P2RY8: variants seen among roughly 807,000 people sequenced by gnomAD.
The protein encoded by P2RY8 is P2Y receptor family member 8.
P2RY8 carries 6 observed loss-of-function variants against 10.0 expected under a neutral mutation model. That is an observed-to-expected ratio of 0.60 (90% CI 0.33 to 1.19). P2RY8 has a LOEUF of 1.19. P2RY8 is among the 50% of genes most tolerant of loss of function. P2RY8 has a pLI of 0.04. For synonymous variants in P2RY8, 276 were observed against 252.5 expected (o/e 1.09, Z -0.88); for missense variants, 456 against 542.0 (o/e 0.84, Z 1.58).
intron 1 of P2RY8, among the ~76,000 whole-genome samples, chrX:1,525,387 G>C (rs1360460525): frequency 6.6e-6 from 1 of 152,150 alleles, no homozygotes; most frequent in Non-Finnish European, 1.5e-5. Context: ...AGAAGAGACT[G>C]GGACGCAGAC....
chrX:1,488,448 C>G (rs1302804315), intron 1 of P2RY8, among the ~76,000 whole-genome samples: 1 of 152,192 alleles, frequency 6.6e-6, no homozygotes, highest in Non-Finnish European at 1.5e-5. Flanking sequence ...TCACAGATAT[C>G]TCCTTGCCCT....
chrX:1,509,117 A>G (rs1182245509), intron 1 of P2RY8, among the ~76,000 whole-genome samples: 4 of 151,790 alleles, frequency 2.6e-5, no homozygotes, highest in Admixed American at 6.6e-5. Context: ...CTATCTATCT[A>G]TCTATCTATC....
At chrX:1,515,942 G>T (rs1378685318) in intron 1 of P2RY8, among the ~76,000 whole-genome samples, 15 of 58,922 alleles carry the variant, frequency 2.5e-4, no homozygotes, top group Non-Finnish European at 6.9e-4. Context: ...GGGAGGCCGA[G>T]GGGTCGGGGG....
In P2RY8 at chrX:1,466,223, G is replaced by A. The variant is rs2091674246; in HGVS notation, c.336C>T (p.Leu112=). Reference sequence around the variant, plus strand: ...GCTCCACGCTGATACAGGTCATGGTGAGGATGCTGGAATACATGTTTGCGT... The same window carrying A: ...GCTCCACGCTGATACAGGTCATGGTAAGGATGCTGGAATACATGTTTGCGT... ...AFYANMYSSI[L]TMTCISVERF... Residue 112 remains leucine (L), a synonymous_variant, in exon 2 of 2, where the codon CTC becomes CTT. Transcript: ENST00000381297. 6.2e-7 allele frequency: 1 copy of A among 1,613,572 alleles called. No individual in the cohort carries two copies. The highest frequency in any genetic ancestry group is 8.5e-7 in the Non-Finnish European group (1 of 1,179,732).
chrX:1,467,937 C>T (rs756260717), intron 1 of P2RY8, among the ~76,000 whole-genome samples: 1 of 151,682 alleles, frequency 6.6e-6, no homozygotes, highest in East Asian at 1.9e-4. Context: ...CCTCAGCCTC[C>T]TGAGTAGCTG....
rs1569538175 is a variant in P2RY8 at position 1,509,815 on chromosome X, A to ATCCAT, written c.-25+27105_-25+27106insATGGA. Among the ~76,000 whole-genome samples, 457 of 103,542 alleles carry ATCCAT rather than the reference A, an allele frequency of 4.4e-3. 2 individuals are homozygous for ATCCAT. Among genetic ancestry groups the ATCCAT allele is most frequent in the Middle Eastern group, 0.016 (2 of 124 alleles). The allele number at this position is 103,542 out of a possible 152,430, so 67.9% of individuals were successfully genotyped here. A position where few individuals can be genotyped will look rare whatever the true frequency, so the allele number is the denominator to read the frequency against. On this transcript the variant is annotated intron_variant, in intron 1 of 1. Coordinates refer to ENST00000381297, the MANE Select transcript of P2RY8 (RefSeq NM_178129.5). ...ATCCATCCTATCTATCTATCTATCT[A>ATCCAT]TCTATCTATCTATCTATCTATCTCT...
chrX:1,531,923 G>A (rs1265807279), intron 1 of P2RY8, among the ~76,000 whole-genome samples: 1 of 152,152 alleles, frequency 6.6e-6, no homozygotes, highest in African/African-American at 2.4e-5. Flanking sequence ...TGCTAGTGTG[G>A]ATGTGGCGAA....
chrX:1,468,572 G>A (rs1163288554), intron 1 of P2RY8, among the ~76,000 whole-genome samples: 3 of 152,108 alleles, frequency 2.0e-5, no homozygotes, highest in African/African-American at 4.8e-5. Context: ...GGGGCTCAGC[G>A]GGCAGGATGG....
intron 1 of P2RY8, among the ~76,000 whole-genome samples, chrX:1,487,145 A>G (rs1262066337): frequency 8.5e-5 from 13 of 152,094 alleles, no homozygotes; most frequent in Non-Finnish European, 1.3e-4. Context: ...AGTGGCCACC[A>G]CTGTGTGAAC....
intron 1 of P2RY8, among the ~76,000 whole-genome samples, chrX:1,521,039 T>TC (rs2092387341): frequency 7.1e-6 from 1 of 141,464 alleles, no homozygotes; most frequent in African/African-American, 2.7e-5. Context: ...CTTTTCTTTT[T>TC]TTTTTTTTTT....
chrX:1,504,427 A>G (rs1427849788), intron 1 of P2RY8, among the ~76,000 whole-genome samples: 1 of 152,118 alleles, frequency 6.6e-6, no homozygotes, highest in Non-Finnish European at 1.5e-5. Flanking sequence ...AAAGCCTTTT[A>G]GTGGTGACCC....
At chrX:1,493,717 G>A (rs2092089652) in intron 1 of P2RY8, among the ~76,000 whole-genome samples, 2 of 152,158 alleles carry the variant, frequency 1.3e-5, no homozygotes, top group Admixed American at 6.5e-5. Flanking sequence ...GGCGTGGGCC[G>A]GCCTGTACCC....
At chrX:1,501,354 G>A (rs753562006) in intron 1 of P2RY8, among the ~76,000 whole-genome samples, 14 of 152,128 alleles carry the variant, frequency 9.2e-5, no homozygotes, top group East Asian at 1.9e-4. Flanking sequence ...TTTCACTTTC[G>A]TTTTTCTGTA....
At chrX:1,493,535 A>G (rs1452952802) in intron 1 of P2RY8, among the ~76,000 whole-genome samples, 1 of 152,044 alleles carries the variant, frequency 6.6e-6, no homozygotes, top group Non-Finnish European at 1.5e-5. Context: ...CTTCCTCCTC[A>G]CTCAGTCGAC....
chrX:1,516,401 C>G (rs1218907856), intron 1 of P2RY8, among the ~76,000 whole-genome samples: 4 of 145,022 alleles, frequency 2.8e-5, no homozygotes, highest in Non-Finnish European at 4.5e-5. Context: ...CAGCCCTGCC[C>G]ACACCTGGAT....
intron 1 of P2RY8, among the ~76,000 whole-genome samples, chrX:1,513,315 G>C (rs1300474848): frequency 6.6e-6 from 1 of 151,822 alleles, no homozygotes; most frequent in Non-Finnish European, 1.5e-5. Context: ...ATTGTAAATA[G>C]TGCTGCAATA....
At chrX:1,523,728 C>G (rs1353524292) in intron 1 of P2RY8, among the ~76,000 whole-genome samples, 1 of 152,114 alleles carries the variant, frequency 6.6e-6, no homozygotes, top group African/African-American at 2.4e-5. Flanking sequence ...TGTCGTCCAG[C>G]CTGGAGTGCA....
intron 1 of P2RY8, among the ~76,000 whole-genome samples, chrX:1,478,452 A>G (rs2091900749): frequency 6.6e-6 from 1 of 151,872 alleles, no homozygotes; most frequent in South Asian, 2.1e-4. Flanking sequence ...CAATATGGGA[A>G]GCTGAAGTGG....
intron 1 of P2RY8, among the ~76,000 whole-genome samples, chrX:1,522,973 G>T (rs755653227): frequency 1.6e-4 from 24 of 151,484 alleles, no homozygotes; most frequent in Admixed American, 1.6e-3. Context: ...GGAGGCTGAG[G>T]CAGGAGAGTC....
Sources: gnomAD v4.1 joint callset for allele counts (sites outside exome capture counted in the v4.1 genomes callset) on GRCh38, gnomAD v4.1.1 for gene constraint, MANE v1.5 for transcripts, NCBI Gene and HGNC (gene_info 2026-07-23, HGNC 2026-07-21) for gene names.